Variants in CTDP1 observed in about 807,000 individuals in gnomAD.
CTDP1 encodes CTD phosphatase 1.
In CTDP1, 47 loss-of-function variants were observed where a neutral mutation model predicts 91.8. The observed-to-expected ratio is 0.51, with a 90% CI of 0.41 to 0.65. CTDP1 has a LOEUF of 0.65. Among genes scored for constraint, CTDP1 ranks in the 30% least tolerant of loss-of-function variants. The pLI, the probability that CTDP1 is intolerant of heterozygous loss-of-function variation, is 0.00. For synonymous variants in CTDP1, 656 were observed against 598.5 expected, an observed-to-expected ratio of 1.10 and a Z score of -1.40; for missense variants, 1,272 against 1,373.7, an observed-to-expected ratio of 0.93 and a Z score of 1.17.
At chr18:79,721,613 G>C (rs1420034260) in intron 10 of CTDP1, among the ~76,000 whole-genome samples, 3 of 152,106 alleles carry the variant, frequency 2.0e-5, no homozygotes, top group Non-Finnish European at 2.9e-5. Flanking sequence ...AAAATATCCA[G>C]GGGGGTGGCT....
chr18:79,746,896 C>G (rs115752455), intron 12 of CTDP1, among the ~76,000 whole-genome samples: 2,215 of 152,322 alleles, frequency 0.015, 64 homozygotes, highest in African/African-American at 0.051. Context: ...TCCCAAAGTG[C>G]TGGACCTACA....
intron 1 of CTDP1, among the ~76,000 whole-genome samples, chr18:79,690,877 A>T (rs1480422890): frequency 1.3e-5 from 2 of 152,214 alleles, no homozygotes; most frequent in Non-Finnish European, 2.9e-5. Flanking sequence ...ACAGAAAATT[A>T]CGTGACTCCG....
At chr18:79,716,614 C>G (rs1482325861) in intron 8 of CTDP1, among the ~76,000 whole-genome samples, 2 of 151,504 alleles carry the variant, frequency 1.3e-5, no homozygotes, top group East Asian at 3.9e-4. Context: ...GTCTGCCCTG[C>G]CGCGTGTCTG....
chr18:79,742,075 T>A (rs62099607), intron 12 of CTDP1, among the ~76,000 whole-genome samples: 2 of 143,486 alleles, frequency 1.4e-5, no homozygotes, highest in African/African-American at 2.6e-5. Flanking sequence ...TGAGGCGTCG[T>A]GGGAGAGAGG....
rs1385706415 is a variant in CTDP1 at position 79,726,827 on chromosome 18, G to A, written c.2418-2080G>A. ...GTGACGCTGTTGCTGGTGGACGGCT[G>A]TGGGGGATGGGGGTGACGCCATTGC... On this transcript the variant is annotated intron_variant, in intron 10 of 12. Transcript: ENST00000613122. 2.8e-5 allele frequency among the ~76,000 whole-genome samples: 4 copies of A among 141,808 alleles called. 1 individual carries two copies. Among genetic ancestry groups the A allele is most frequent in the African/African-American group, 1.0e-4 (4 of 38,332 alleles). 93.0% of individuals were successfully genotyped at this position (141,808 alleles called of 152,430 possible).
downstream of CTDP1, chr18:79,756,187 CTT>C: frequency 6.6e-6 from 1 of 152,580 alleles, no homozygotes. Flanking sequence ...ACATTGATAG[CTT>C]AAAATGGGAC....
rs775001786 is a variant in CTDP1 at position 79,715,156 on chromosome 18, G to T, written c.1696G>T (p.Val566Phe). 6.2e-7 allele frequency: 1 copy of T among 1,613,508 alleles called. No homozygotes were observed. Among genetic ancestry groups the T allele is most frequent in the Non-Finnish European group, 8.5e-7 (1 of 1,179,918 alleles). Residue 566 changes from valine (V) to phenylalanine (F), a missense_variant, in exon 8 of 13, where the codon GTC becomes TTC. Physicochemically the swap from Val to Phe is conservative, Grantham distance 50. Coordinates refer to ENST00000613122, the MANE Select transcript of CTDP1 (RefSeq NM_004715.5). ...GTCACAGAACAGCGAGCTGTCGGGG[G>T]TCACTGCGGGTGAGTCCCTGGACCA... ...TESQNSELSG[V>F]TAGESLDQSM...
rs1040984549 is a variant in CTDP1, at chr18:79,680,156, C to T, written c.209C>T (p.Ser70Phe). 3 of 1,399,600 alleles carry T rather than the reference C, an allele frequency of 2.1e-6. No homozygotes were observed. The highest frequency in any genetic ancestry group is 3.0e-5 in the South Asian group (2 of 65,872). The allele number at this position is 1,399,600 out of a possible 1,614,324, so 86.7% of individuals were successfully genotyped here. A position where few individuals can be genotyped will look rare whatever the true frequency, so the allele number is the denominator to read the frequency against. ...GGGGCCTCTCAGTCCCGTGTAGCCT[C>T]CGGGGGCTGCGTGCGCCCCGCGCGG... ...SSGASQSRVA[S>F]GGCVRPARPE... Residue 70 changes from serine to phenylalanine, a missense_variant, in exon 1 of 13, where the codon TCC becomes TTC. By Grantham distance (155) the Ser-to-Phe change is radical. Coordinates refer to ENST00000613122, the MANE Select transcript of CTDP1 (RefSeq NM_004715.5).
intron 11 of CTDP1, 113 bp downstream of exon 11, chr18:79,729,182 G>A: frequency 1.5e-6 from 2 of 1,344,320 alleles, no homozygotes; most frequent in Admixed American, 1.7e-5. Context: ...CTAGAGTCCT[G>A]CACTTGTGTA....
At position 79,713,988 on chromosome 18, in the gene CTDP1, G is replaced by A. The variant is rs1355750587; in HGVS notation, c.1031-503G>A. Among the ~76,000 whole-genome samples, 25 of 109,476 alleles carry A rather than the reference G, an allele frequency of 2.3e-4. No individual in the cohort carries two copies. The highest frequency in any genetic ancestry group is 4.3e-4 in the Non-Finnish European group (20 of 46,878). The allele number at this position is 109,476 out of a possible 152,430, so 71.8% of individuals were successfully genotyped here. A position where few individuals can be genotyped will look rare whatever the true frequency, so the allele number is the denominator to read the frequency against. Reference sequence around the variant, plus strand: ...GGCGCCAGGTCTGCAGGGGCTTACGGCCACGGTGGTGCCAGGTCTGCAGGG... The same window carrying A: ...GGCGCCAGGTCTGCAGGGGCTTACGACCACGGTGGTGCCAGGTCTGCAGGG... On this transcript the variant is annotated intron_variant, in intron 7 of 12. Coordinates refer to ENST00000613122, the MANE Select transcript of CTDP1 (RefSeq NM_004715.5). The surrounding 1 kb of genome is among the most constrained non-coding windows in gnomAD (Gnocchi z 4.7).
Position 79,709,593 on chromosome 18 carries a change from C to G in CTDP1, c.773-753C>G, listed in dbSNP as rs113725481. Among the ~76,000 whole-genome samples the G allele has an allele frequency of 3.2e-3, 485 of 152,310 alleles. 3 individuals carry two copies. Among genetic ancestry groups the G allele is most frequent in the African/African-American group, 0.011 (461 of 41,574 alleles). On this transcript the variant is annotated intron_variant, in intron 5 of 12. Transcript: ENST00000613122. ...AACTAGACTTGTAATTAACGGATGTCATGTGAAGTGCAAGTGTCAAATGTA... is the reference window on the plus strand; with the variant it reads ...AACTAGACTTGTAATTAACGGATGTGATGTGAAGTGCAAGTGTCAAATGTA...
upstream of CTDP1, chr18:79,677,679 C>G (rs971988769): frequency 5.3e-5 from 8 of 152,280 alleles, no homozygotes; most frequent in Non-Finnish European, 7.3e-5. Context: ...TCTTCATCAT[C>G]CAGTGGTCTG....
rs75691266 is a variant in CTDP1, at chr18:79,681,929, C to G, written c.314+1668C>G. ...TGTGTACATGGGTTTTATGAGCGTT[C>G]TGGGGAGTGTGGTGGTGGTGGTGTG... is the stretch of plus-strand genomic sequence containing the variant. On this transcript the variant is annotated intron_variant, in intron 1 of 12. Transcript: ENST00000613122. Among the ~76,000 whole-genome samples, 941 of 152,186 alleles carry G rather than the reference C, an allele frequency of 6.2e-3. 42 individuals are homozygous for G. In the East Asian group the frequency reaches 0.12, roughly 19 times the overall value.
Position 79,715,423 on chromosome 18 carries a change from C to G in CTDP1, c.1963C>G (p.Arg655Gly), listed in dbSNP as rs756863087. The change falls in exon 8 of 13, where the codon CGG becomes GGG. Residue 655 changes from arginine to glycine, a missense_variant. Transcript: ENST00000613122. ...HPTNFPIEKT[R>G]EHYHATALGA... ...GACAAACTTCCCGATAGAGAAGACG[C>G]GGGAGCATTACCACGCCACGGCGCT... is the stretch of plus-strand genomic sequence containing the variant. 1 of 1,599,514 alleles carries G rather than the reference C, an allele frequency of 6.3e-7. No homozygotes were observed. Among genetic ancestry groups the G allele is most frequent in the Admixed American group, 1.7e-5 (1 of 58,206 alleles).
chr18:79,732,659 ACT>A (rs2086589560), intron 11 of CTDP1, among the ~76,000 whole-genome samples: 1 of 149,408 alleles, frequency 6.7e-6, no homozygotes, highest in African/African-American at 2.5e-5. Flanking sequence ...GTAAGAACTC[ACT>A]GTCATCAGGA....
At chr18:79,744,816 G>C (rs2086847210) in intron 12 of CTDP1, among the ~76,000 whole-genome samples, 1 of 152,122 alleles carries the variant, frequency 6.6e-6, no homozygotes, top group Admixed American at 6.5e-5. Flanking sequence ...CGTCGTGGGA[G>C]GATGCTGCCC....
At position 79,713,261 on chromosome 18, in the gene CTDP1, C is replaced by A; in HGVS notation, c.1030+123C>A. ...AGATACACTTTTTTTATTTGTGTTTCAGTAGAGATTATTGGATTTATTTAT... is the reference window on the plus strand; with the variant it reads ...AGATACACTTTTTTTATTTGTGTTTAAGTAGAGATTATTGGATTTATTTAT... On this transcript the variant is annotated intron_variant, in intron 7 of 12. Coordinates refer to ENST00000613122, the MANE Select transcript of CTDP1 (RefSeq NM_004715.5). This position sits in a 1 kb window ranked among gnomAD's most constrained non-coding sequence, Gnocchi z 4.7. 9.6e-7 allele frequency: 1 copy of A among 1,043,286 alleles called. No individual in the cohort carries two copies. Among genetic ancestry groups the A allele is most frequent in the Non-Finnish European group, 1.4e-6 (1 of 700,142 alleles). 64.6% of individuals were successfully genotyped at this position (1,043,286 alleles called of 1,614,324 possible).
At chr18:79,748,825 G>C (rs925710731) in intron 12 of CTDP1, among the ~76,000 whole-genome samples, 2 of 151,968 alleles carry the variant, frequency 1.3e-5, no homozygotes, top group Non-Finnish European at 2.9e-5. Context: ...GTGTCTGCCT[G>C]GGAGCCGTGA....
At chr18:79,729,937 C>T (rs961000838) in intron 11 of CTDP1, among the ~76,000 whole-genome samples, 15 of 152,216 alleles carry the variant, frequency 9.9e-5, no homozygotes, top group African/African-American at 2.9e-4. Context: ...CGCCTGGCAC[C>T]GCTGTCCTCT....
Sources: gnomAD v4.1 joint callset for allele counts (sites outside exome capture counted in the v4.1 genomes callset) on GRCh38, gnomAD v4.1.1 for gene constraint, Gnocchi (gnomAD v3.1) non-coding constraint, MANE v1.5 for transcripts, NCBI Gene and HGNC (gene_info 2026-07-23, HGNC 2026-07-21) for gene names.